Variants in ZNF573 observed in about 807,000 individuals in gnomAD.
The protein encoded by ZNF573 is zinc finger protein 573.
Under a neutral mutation model 57.4 loss-of-function variants are expected in ZNF573, and 41 were observed. The observed-to-expected ratio is 0.71, with a 90% CI of 0.56 to 0.93. ZNF573 has a LOEUF of 0.93. Among genes scored for constraint, ZNF573 ranks in the 40% least tolerant of loss-of-function variants. The probability of loss-of-function intolerance (pLI) is 0.00; values close to 1 mark genes in which losing one functional copy is unlikely to be tolerated. For missense variants in ZNF573, 730 were observed against 794.8 expected (o/e 0.92, Z 0.98); for synonymous variants, 249 against 261.0 (o/e 0.95, Z 0.44).
In ZNF573 at chr19:37,773,656, C is replaced by T; in HGVS notation, c.69+5G>A. On this transcript the variant is annotated splice_donor_5th_base_variant and intron_variant, in intron 2 of 4. Transcript: ENST00000536220. ...ATTGCAAGGAAACAGAATTAATCAA[C>T]TTACACAGGTCATGGTTTTAGAATT... 3 of 1,534,166 alleles carry T rather than the reference C, an allele frequency of 2.0e-6. No individual in the cohort carries two copies. Among genetic ancestry groups the T allele is most frequent in the Non-Finnish European group, 2.6e-6 (3 of 1,145,376 alleles).
At chr19:37,769,403 T>G (rs188605594) in intron 4 of ZNF573, among the ~76,000 whole-genome samples, 109 of 152,074 alleles carry the variant, frequency 7.2e-4, no homozygotes, top group African/African-American at 2.6e-3. Context: ...GAAAAACAGT[T>G]GAGTCCAAAA....
intron 4 of ZNF573, chr19:37,740,580 G>A (rs1436140874): frequency 2.2e-6 from 1 of 458,756 alleles, no homozygotes; most frequent in Non-Finnish European, 4.4e-6. Flanking sequence ...TAAGTTTCTC[G>A]AGTGATTTTT....
chr19:37,776,767 G>A (rs2045712860), intron 1 of ZNF573, among the ~76,000 whole-genome samples: 1 of 151,972 alleles, frequency 6.6e-6, no homozygotes, highest in African/African-American at 2.4e-5. Flanking sequence ...GAATCTACAA[G>A]GAACTCAAAC....
Position 37,739,136 on chromosome 19 carries a change from T to C in ZNF573, c.1354A>G (p.Thr452Ala), listed in dbSNP as rs758426457. 1.2e-6 allele frequency: 2 copies of C among 1,613,242 alleles called. No homozygotes were observed. The highest frequency in any genetic ancestry group is 2.2e-5 in the South Asian group (2 of 90,782). The change falls in exon 5 of 5, where the codon ACT (threonine) becomes GCT (alanine). Residue 452 changes from threonine to alanine, a missense_variant. Transcript: ENST00000536220. ...TGTCGAGTAAGATTTCTATACAAAG[T>C]AAAGGTTTTTTTACACTCCTTACAT... Reference protein sequence around the residue: ...FECKECKKTFTLYRNLTRHQN... With the variant: ...FECKECKKTFALYRNLTRHQN...
At chr19:37,774,126 CT>C (rs539456711) in intron 1 of ZNF573, among the ~76,000 whole-genome samples, 622 of 87,718 alleles carry the variant, frequency 7.1e-3, no homozygotes, top group African/African-American at 0.028. Flanking sequence ...CTAGAAGCTT[CT>C]TTTTTTTTTT....
rs1033338874 is a variant in ZNF573, at chr19:37,769,915, A to G, written c.295+90T>C. 3 of 1,115,060 alleles carry G rather than the reference A, an allele frequency of 2.7e-6. No individual in the cohort carries two copies. In the African/African-American group the frequency reaches 4.7e-5, roughly 17 times the overall value. The allele number at this position is 1,115,060 out of a possible 1,614,324, so 69.1% of individuals were successfully genotyped here. ...TGCTCCACAAGTCTGGGTGCCTTGG[A>G]GGAAGGTTTCACAAACAACACAAAA... On this transcript the variant is annotated intron_variant, in intron 4 of 4. Coordinates refer to ENST00000536220, the MANE Select transcript of ZNF573 (RefSeq NM_001172690.2).
intron 4 of ZNF573, among the ~76,000 whole-genome samples, chr19:37,741,669 T>G (rs1197370619): frequency 6.6e-6 from 1 of 152,128 alleles, no homozygotes; most frequent in Non-Finnish European, 1.5e-5. Context: ...TAGGTATTGA[T>G]GGAACATATC....
At position 37,742,959 on chromosome 19, in the gene ZNF573, A is replaced by G. The variant is rs563593558; in HGVS notation, c.296-2765T>C. 2.0e-5 allele frequency among the ~76,000 whole-genome samples: 3 copies of G among 152,368 alleles called. No individual in the cohort carries two copies. In the East Asian group the frequency reaches 5.8e-4, roughly 29 times the overall value. ...CATCCAGAATTTACAAGGAACTTAA[A>G]CAAATTTACAAGTAAAAACCAAACA... On this transcript the variant is annotated intron_variant, in intron 4 of 4. Transcript: ENST00000536220.
At chr19:37,767,661 G>A (rs1043471488) in intron 4 of ZNF573, among the ~76,000 whole-genome samples, 4 of 152,162 alleles carry the variant, frequency 2.6e-5, no homozygotes, top group African/African-American at 7.2e-5. Flanking sequence ...TGTGCAGTGA[G>A]CAGTATAAGC....
chr19:37,756,891 G>A (rs2045493000), intron 4 of ZNF573, among the ~76,000 whole-genome samples: 1 of 151,692 alleles, frequency 6.6e-6, no homozygotes, highest in Non-Finnish European at 1.5e-5. Context: ...CATCGAATGA[G>A]CCAACAAATT....
At position 37,758,203 on chromosome 19, in the gene ZNF573, ATATATATAT is replaced by A. The variant is rs1363490474; in HGVS notation, c.295+11793_295+11801del. Among the ~76,000 whole-genome samples the A allele has an allele frequency of 9.1e-3, 475 of 52,020 alleles. 71 individuals carry two copies. The highest frequency in any genetic ancestry group is 0.013 in the Admixed American group (54 of 4,314). 34.1% of individuals were successfully genotyped at this position (52,020 alleles called of 152,430 possible). A position where few individuals can be genotyped will look rare whatever the true frequency, so the allele number is the denominator to read the frequency against. ...ACCCTAGAACTTAAAGTATAATAAA[ATATATATAT>A]ATATATATATATATATATATATATA... On this transcript the variant is annotated intron_variant, in intron 4 of 4. Transcript: ENST00000536220.
intron 3 of ZNF573, 175 bp from the exon 4 acceptor site, chr19:37,770,272 G>A (rs776148768): frequency 3.4e-5 from 18 of 531,144 alleles, no homozygotes; most frequent in Middle Eastern, 5.1e-4. Context: ...TCATACACGC[G>A]TGGTCTCTTA....
At chr19:37,777,707 T>C (rs1420069851) in intron 1 of ZNF573, among the ~76,000 whole-genome samples, 1 of 145,016 alleles carries the variant, frequency 6.9e-6, no homozygotes, top group Non-Finnish European at 1.5e-5. Flanking sequence ...GCCACTGCAC[T>C]CCAGCCTGGC....
chr19:37,774,330 G>A (rs906245138), intron 1 of ZNF573, among the ~76,000 whole-genome samples: 7 of 151,538 alleles, frequency 4.6e-5, no homozygotes, highest in Admixed American at 4.0e-4. Context: ...TAGTAGAGAC[G>A]GGGTTTCACT....
At chr19:37,755,627 A>T (rs950497549) in intron 4 of ZNF573, among the ~76,000 whole-genome samples, 1 of 152,224 alleles carries the variant, frequency 6.6e-6, no homozygotes, top group Non-Finnish European at 1.5e-5. Context: ...TAGATAGAAC[A>T]GCAAAATCTG....
rs568871659 is a variant in ZNF573 at position 37,744,126 on chromosome 19, GA to G, written c.296-3933del. ...ATCCTGTTTTTTTTTTAGAAGAAAG[GA>G]AAAAAAAAAGACTACTGATGTCACA... On this transcript the variant is annotated intron_variant, in intron 4 of 4. Coordinates refer to ENST00000536220, the MANE Select transcript of ZNF573 (RefSeq NM_001172690.2). Among the ~76,000 whole-genome samples, 46 of 144,576 alleles carry G rather than the reference GA, an allele frequency of 3.2e-4. No individual in the cohort carries two copies. In the Middle Eastern group the frequency reaches 0.01, roughly 33 times the overall value. The allele number at this position is 144,576 out of a possible 152,430, so 94.8% of individuals were successfully genotyped here. A position where few individuals can be genotyped will look rare whatever the true frequency, so the allele number is the denominator to read the frequency against.
At chr19:37,778,325 C>G (rs2045730959) in intron 1 of ZNF573, 1 of 144,848 alleles carries the variant, frequency 6.9e-6, no homozygotes, top group Non-Finnish European at 1.5e-5. Context: ...ACCAGCCTGG[C>G]CAAGATGGTG....
chr19:37,747,785 T>A lies in ZNF573; in HGVS notation c.296-7591A>T, dbSNP rs555191787. Reference sequence around the variant, plus strand: ...TCACTGCAAACTCTGCCTCCCAGATTCACGCCATTCTCCTGCCTCAGCCTC... The same window carrying A: ...TCACTGCAAACTCTGCCTCCCAGATACACGCCATTCTCCTGCCTCAGCCTC... On this transcript the variant is annotated intron_variant, in intron 4 of 4. Coordinates refer to ENST00000536220, the MANE Select transcript of ZNF573 (RefSeq NM_001172690.2). Among the ~76,000 whole-genome samples the A allele has an allele frequency of 2.0e-5, 3 of 152,182 alleles. No homozygotes were observed. In the East Asian group the frequency reaches 5.8e-4, roughly 29 times the overall value.
rs180870336 is a variant in ZNF573 at position 37,741,101 on chromosome 19, C to T, written c.296-907G>A. ...CCAACACTTAATGCTTTCCACAGAC[C>T]GTTTAACTGCTCAAGAGTCCTTGGA... On this transcript the variant is annotated intron_variant, in intron 4 of 4. Coordinates refer to ENST00000536220, the MANE Select transcript of ZNF573 (RefSeq NM_001172690.2). Among the ~76,000 whole-genome samples the T allele has an allele frequency of 5.1e-4, 77 of 152,288 alleles. 1 individual carries two copies. Among genetic ancestry groups the T allele is most frequent in the Admixed American group, 1.4e-3 (22 of 15,292 alleles).
Sources: allele counts gnomAD v4.1 joint callset (sites outside exome capture counted in the v4.1 genomes callset), GRCh38; gene constraint gnomAD v4.1.1; transcripts MANE v1.5; gene names NCBI Gene and HGNC (gene_info 2026-07-23, HGNC 2026-07-21).